Variants in ELFN1 observed in about 807,000 individuals in gnomAD.
ELFN1 encodes extracellular leucine rich repeat and fibronectin type III domain containing 1.
In ELFN1, 6 loss-of-function variants were observed where a neutral mutation model predicts 7.6. That is an observed-to-expected ratio of 0.79 (90% CI 0.43 to 1.56). The LOEUF is 1.56. ELFN1 is among the 40% of genes most tolerant of loss of function. The pLI is 0.01. For synonymous variants in ELFN1, 657 were observed against 588.1 expected (o/e 1.12, Z -1.70); for missense variants, 1,169 against 1,232.2 (o/e 0.95, Z 0.77).
At chr7:1,720,153 C>T (rs1197976647) in intron 3 of ELFN1, among the ~76,000 whole-genome samples, 1 of 152,240 alleles carries the variant, frequency 6.6e-6, no homozygotes, top group African/African-American at 2.4e-5. Context: ...CCCAGCCAGA[C>T]ACCTCTCCTT....
intron 3 of ELFN1, among the ~76,000 whole-genome samples, chr7:1,738,124 C>T (rs981466331): frequency 2.6e-5 from 4 of 152,238 alleles, no homozygotes; most frequent in Non-Finnish European, 4.4e-5. Context: ...CTAGCCCAGG[C>T]GACCCTGGCC....
At position 1,741,062 on chromosome 7, in the gene ELFN1, A is replaced by G. The variant is rs181430654; in HGVS notation, c.-293-3242A>G. 4.8e-4 allele frequency among the ~76,000 whole-genome samples: 72 copies of G among 149,712 alleles called. No individual in the cohort carries two copies. The East Asian group carries it at 0.014, about 29-fold the overall frequency. On this transcript the variant is annotated intron_variant, in intron 3 of 3. Transcript: ENST00000424383. Reference sequence around the variant, plus strand: ...GGAGAATCACTTGAACCCAGGAGGCAGAGGTTGCAGTGAGCTGAGATTGCA... The same window carrying G: ...GGAGAATCACTTGAACCCAGGAGGCGGAGGTTGCAGTGAGCTGAGATTGCA...
intron 2 of ELFN1, among the ~76,000 whole-genome samples, chr7:1,704,602 G>A (rs1350894617): frequency 6.6e-6 from 1 of 152,020 alleles, no homozygotes; most frequent in Non-Finnish European, 1.5e-5. Flanking sequence ...GGGTCAGCTT[G>A]GGGTCCTGAG....
At chr7:1,702,143 G>A (rs1055114886) in intron 2 of ELFN1, among the ~76,000 whole-genome samples, 7 of 152,062 alleles carry the variant, frequency 4.6e-5, no homozygotes, top group Non-Finnish European at 1.0e-4. Flanking sequence ...AGCCATCCTC[G>A]GCCGGGTGCA....
chr7:1,729,817 C>T (rs991433225), intron 3 of ELFN1, among the ~76,000 whole-genome samples: 2 of 152,246 alleles, frequency 1.3e-5, no homozygotes, highest in Non-Finnish European at 2.9e-5. Flanking sequence ...GAACAGCCGT[C>T]CCGAAGGGGC....
chr7:1,708,195 CT>C (rs1779578252), intron 2 of ELFN1, among the ~76,000 whole-genome samples: 1 of 152,220 alleles, frequency 6.6e-6, no homozygotes, highest in African/African-American at 2.4e-5. Flanking sequence ...CTGTGCGACC[CT>C]GGCAGGACGA....
At position 1,695,993 on chromosome 7, in the gene ELFN1, G is replaced by A. The variant is rs1408769230; in HGVS notation, c.-456+7843G>A. Among the ~76,000 whole-genome samples the A allele has an allele frequency of 6.6e-6, 1 of 152,126 alleles. No homozygotes were observed. The highest frequency in any genetic ancestry group is 1.5e-5 in the Non-Finnish European group (1 of 68,028). ...ACCTGACTCCTGCCTGCCTTTGTCG[G>A]CCCCGGCTCTCATAACAAAAGCGGG... On this transcript the variant is annotated intron_variant, in intron 2 of 3. Transcript: ENST00000424383. The surrounding 1 kb of genome is among the most constrained non-coding windows in gnomAD (Gnocchi z 5.1).
intron 1 of ELFN1, among the ~76,000 whole-genome samples, chr7:1,676,890 A>C (rs1284476235): frequency 6.6e-6 from 1 of 152,158 alleles, no homozygotes; most frequent in Non-Finnish European, 1.5e-5. Context: ...AGTTTGCAGC[A>C]GCTGAGAGAC....
intron 1 of ELFN1, among the ~76,000 whole-genome samples, chr7:1,680,887 G>A (rs1221995372): frequency 2.0e-5 from 3 of 151,544 alleles, no homozygotes; most frequent in East Asian, 1.9e-4. Flanking sequence ...GATTACAGGC[G>A]CCCACCACCA....
At position 1,735,681 on chromosome 7, in the gene ELFN1, C is replaced by T. The variant is rs1430609553; in HGVS notation, c.-293-8623C>T. Among the ~76,000 whole-genome samples the T allele has an allele frequency of 6.6e-6, 1 of 152,088 alleles. No homozygotes were observed. ...TCAATGGGCCCCCCTCTGTGGGCAC[C>T]AGGTCCGGCAACTGTGCTGAAGGAA... On this transcript the variant is annotated intron_variant, in intron 3 of 3. Transcript: ENST00000424383. The surrounding 1 kb of genome is among the most constrained non-coding windows in gnomAD (Gnocchi z 5.9).
At chr7:1,729,914 G>A (rs114089307) in intron 3 of ELFN1, among the ~76,000 whole-genome samples, 2,096 of 152,338 alleles carry the variant, frequency 0.014, 28 homozygotes, top group African/African-American at 0.034. Context: ...CACGGATGCC[G>A]AGGCACGTAG....
At chr7:1,681,538 T>C (rs1369908620) in intron 1 of ELFN1, among the ~76,000 whole-genome samples, 1 of 152,080 alleles carries the variant, frequency 6.6e-6, no homozygotes, top group Non-Finnish European at 1.5e-5. Context: ...GATTTTTGTA[T>C]TTTTTAGTAG....
At chr7:1,692,925 AG>A (rs1562361822) in intron 2 of ELFN1, 2 of 210,304 alleles carry the variant, frequency 9.5e-6, no homozygotes, top group Non-Finnish European at 2.0e-5. Context: ...TGTACCCTGC[AG>A]GGAACGGCAG....
At chr7:1,684,253 C>T (rs562009145) in intron 1 of ELFN1, among the ~76,000 whole-genome samples, 12 of 152,212 alleles carry the variant, frequency 7.9e-5, no homozygotes, top group South Asian at 4.2e-4. Flanking sequence ...ATATCTTTTT[C>T]GATCCTTTTA....
chr7:1,708,218 A>G (rs1319127647), intron 2 of ELFN1, among the ~76,000 whole-genome samples: 1 of 152,184 alleles, frequency 6.6e-6, no homozygotes, highest in South Asian at 2.1e-4. Flanking sequence ...TTCCCTTCTC[A>G]GCCTCAGTTT....
rs748197534 is a variant in ELFN1 at position 1,707,026 on chromosome 7, CAT to C, written c.-455-2064_-455-2063del. On this transcript the variant is annotated intron_variant, in intron 2 of 3. Coordinates refer to ENST00000424383, the MANE Select transcript of ELFN1 (RefSeq NM_001128636.4). ...TGTGCAACACACGTACACGTGTACA[CAT>C]GTGTGCACGCACATACATGTCTGTG... Among the ~76,000 whole-genome samples the C allele has an allele frequency of 2.2e-4, 33 of 152,348 alleles. 1 individual carries two copies. Among genetic ancestry groups the C allele is most frequent in the South Asian group, 2.1e-3 (10 of 4,832 alleles).
At chr7:1,731,384 G>T (rs1780322013) in intron 3 of ELFN1, among the ~76,000 whole-genome samples, 2 of 152,206 alleles carry the variant, frequency 1.3e-5, no homozygotes, top group Non-Finnish European at 2.9e-5. Flanking sequence ...TTCCTGCCAG[G>T]TATGGAAGCT....
chr7:1,713,872 C>T (rs764224630), intron 3 of ELFN1, among the ~76,000 whole-genome samples: 13 of 152,150 alleles, frequency 8.5e-5, no homozygotes, highest in Non-Finnish European at 1.5e-4. Context: ...CCAGCACTGC[C>T]GCACGCCCGG....
chr7:1,709,908 C>G (rs1779615401), intron 3 of ELFN1, among the ~76,000 whole-genome samples: 1 of 152,176 alleles, frequency 6.6e-6, no homozygotes, highest in African/African-American at 2.4e-5. Context: ...TCAGAAATAG[C>G]AGATATGTCC....
Sources: allele counts gnomAD v4.1 joint callset (sites outside exome capture counted in the v4.1 genomes callset), GRCh38; gene constraint gnomAD v4.1.1; non-coding constraint Gnocchi (gnomAD v3.1); transcripts MANE v1.5; gene names NCBI Gene and HGNC (gene_info 2026-07-23, HGNC 2026-07-21).